The following RIF1 variants were observed in gnomAD, a reference collection of about 807,000 sequenced individuals.
RIF1 encodes the protein telomere-associated protein RIF1.
RIF1 carries 45 observed loss-of-function variants against 247.1 expected under a neutral mutation model. The ratio of observed to expected loss-of-function variants is 0.18; its 90% CI spans 0.14 to 0.23. RIF1 has a LOEUF of 0.23. Ranked by LOEUF, RIF1 falls within the 10% of genes least tolerant of loss-of-function variation. The pLI is 1.00. For missense variants in RIF1, 2,967 were observed against 2,862.5 expected (o/e 1.04, Z -0.83); for synonymous variants, 1,087 against 978.8 (o/e 1.11, Z -2.06).
chr2:151,413,902 G>A (rs554375800), intron 3 of RIF1, among the ~76,000 whole-genome samples: 2 of 152,310 alleles, frequency 1.3e-5, no homozygotes, highest in African/African-American at 4.8e-5. Flanking sequence ...TTTGGAGTAG[G>A]AAATGGTACA....
intron 34 of RIF1, among the ~76,000 whole-genome samples, chr2:151,472,679 A>G (rs1219817388): frequency 6.6e-6 from 1 of 152,152 alleles, no homozygotes; most frequent in African/African-American, 2.4e-5. Flanking sequence ...ACGTTTACTG[A>G]TTGTCATATG....
chr2:151,417,240 G>A (rs1687357939), intron 6 of RIF1, among the ~76,000 whole-genome samples: 1 of 152,148 alleles, frequency 6.6e-6, no homozygotes, highest in African/African-American at 2.4e-5. Flanking sequence ...TGTTTAGGAA[G>A]GCAGTCAGTG....
chr2:151,448,502 AT>A (rs1198553148), intron 20 of RIF1, among the ~76,000 whole-genome samples: 6 of 152,162 alleles, frequency 3.9e-5, no homozygotes, highest in Admixed American at 3.9e-4. Context: ...TATTAGCACA[AT>A]TCTAATTGTA....
In RIF1 at chr2:151,468,493, A is replaced by C. The variant is rs765551800; in HGVS notation, c.6767A>C (p.Lys2256Thr). 2 of 1,613,306 alleles carry C rather than the reference A, an allele frequency of 1.2e-6. No individual in the cohort carries two copies. The highest frequency in any genetic ancestry group is 1.7e-6 in the Non-Finnish European group (2 of 1,179,406). ...TQSKHNTTSA[K>T]GFLSPGSRSP... ...ATCTAGCATAATACCACTTCAGCCA[A>C]AGGATTTCTGTCCCCAGGATCACGT... Residue 2256 changes from lysine (K) to threonine (T), a missense_variant, in exon 32 of 36, where the codon AAA becomes ACA. Lys to Thr is a moderately conservative substitution (Grantham distance 78). Transcript: ENST00000444746.
rs1194725068 is a variant in RIF1 at position 151,500,615 on chromosome 2, A to G, written c.*709+1075A>G. On this transcript the variant is annotated intron_variant and NMD_transcript_variant, in intron 11 of 13. Coordinates refer to the RIF1 transcript ENST00000454583. ...TTCCTTTTTTTTTTTTTTTTTTTTG[A>G]AACAGGGTCTCACTCCTGTTGCCTA... is the stretch of plus-strand genomic sequence containing the variant. Among the ~76,000 whole-genome samples the G allele has an allele frequency of 7.3e-5, 5 of 68,294 alleles. No homozygotes were observed. In the East Asian group the frequency reaches 2.5e-3, roughly 34 times the overall value. 44.8% of individuals were successfully genotyped at this position (68,294 alleles called of 152,430 possible). A position where few individuals can be genotyped will look rare whatever the true frequency, so the allele number is the denominator to read the frequency against.
chr2:151,475,088 T>C lies in RIF1; in HGVS notation c.*17T>C. ...TCTATTTAGTATTTTCAGAGAAAAT[T>C]GAAGGTTTTTTTAAACATCACTGGA... On this transcript the variant is annotated 3_prime_UTR_variant, in exon 36 of 36. Transcript: ENST00000444746. The C allele has an allele frequency of 6.4e-7, 1 of 1,557,790 alleles. No individual in the cohort carries two copies. The highest frequency in any genetic ancestry group is 1.7e-5 in the Admixed American group (1 of 59,840).
intron 13 of RIF1, chr2:151,507,058 T>G: frequency 8.4e-7 from 1 of 1,189,876 alleles, no homozygotes; most frequent in Non-Finnish European, 1.2e-6. Flanking sequence ...CAACATTGCT[T>G]TGTTTTCTTT....
At chr2:151,503,608 C>T (rs1308004510) in intron 12 of RIF1, among the ~76,000 whole-genome samples, 1 of 101,050 alleles carries the variant, frequency 9.9e-6, no homozygotes, top group Non-Finnish European at 2.2e-5. Context: ...GTTGTCTTTT[C>T]CAAAATAGTA....
In RIF1 at chr2:151,457,952, T is replaced by G; in HGVS notation, c.2844T>G (p.Pro948=). The G allele has an allele frequency of 6.2e-7, 1 of 1,612,954 alleles. No individual in the cohort carries two copies. Among genetic ancestry groups the G allele is most frequent in the South Asian group, 1.1e-5 (1 of 91,038 alleles). ...TFAKVMMLVY[P]EELKPVLTQA... is the part of the protein sequence containing the mutation. ...CCAAAGTGATGATGTTGGTTTATCCTGAAGAGTTAAAGTATGCTAACAACA... is the reference window on the plus strand; with the variant it reads ...CCAAAGTGATGATGTTGGTTTATCCGGAAGAGTTAAAGTATGCTAACAACA... Residue 948 remains proline, a synonymous_variant, in exon 24 of 36, where the codon CCT becomes CCG. Transcript: ENST00000444746.
intron 21 of RIF1, among the ~76,000 whole-genome samples, chr2:151,452,384 T>G (rs942923190): frequency 1.3e-5 from 2 of 152,240 alleles, no homozygotes; most frequent in Admixed American, 6.5e-5. Context: ...AGTGATAATC[T>G]GTCATTAATG....
At chr2:151,516,325 T>G in the RIF1 span, 1 of 593,238 alleles carries the variant, frequency 1.7e-6, no homozygotes, top group Non-Finnish European at 3.0e-6. Context: ...ATGGAGAAGA[T>G]TTTAGTGATC....
At chr2:151,419,496 T>C (rs1687806624) in intron 6 of RIF1, among the ~76,000 whole-genome samples, 1 of 151,900 alleles carries the variant, frequency 6.6e-6, no homozygotes, top group African/African-American at 2.4e-5. Context: ...CAGCTAATTG[T>C]TGTATTTTTA....
intron 10 of RIF1, chr2:151,499,272 T>TAA: frequency 8.4e-7 from 1 of 1,185,328 alleles, no homozygotes. Context: ...TTTAAATAAT[T>TAA]AAAGGGATTT....
chr2:151,454,330 TCAGA>T (rs1159078106), intron 21 of RIF1, among the ~76,000 whole-genome samples: 1 of 152,152 alleles, frequency 6.6e-6, no homozygotes, highest in African/African-American at 2.4e-5. Flanking sequence ...GTACAAAAAA[TCAGA>T]CAGTACTTTT....
chr2:151,429,856 C>T (rs1283270799), intron 9 of RIF1, among the ~76,000 whole-genome samples: 1 of 152,124 alleles, frequency 6.6e-6, no homozygotes, highest in Non-Finnish European at 1.5e-5. Context: ...GAGTACTTAA[C>T]TAGGTGGTAG....
intron 9 of RIF1, among the ~76,000 whole-genome samples, chr2:151,431,967 A>T (rs542342036): frequency 6.6e-6 from 1 of 152,252 alleles, no homozygotes; most frequent in African/African-American, 2.4e-5. Flanking sequence ...ATTCCACCAA[A>T]TACATGGCCT....
chr2:151,457,819 A>T lies in RIF1; in HGVS notation c.2711A>T (p.Tyr904Phe). The T allele has an allele frequency of 6.2e-7, 1 of 1,613,906 alleles. No individual in the cohort carries two copies. The change falls in exon 24 of 36, where the codon TAT becomes TTT. Residue 904 changes from tyrosine (Y) to phenylalanine (F), a missense_variant. Transcript: ENST00000444746. ...CTGCAATTCAGCTACACCGGAACTT[A>T]TGATAGTGAACTTCTTGAACAACTC... ...ACLQFSYTGT[Y>F]DSELLEQLSP...
intron 11 of RIF1, among the ~76,000 whole-genome samples, chr2:151,500,423 T>TAG (rs58308258): frequency 0.59 from 89,162 of 151,048 alleles, 26,679 homozygotes; most frequent in Admixed American, 0.69. Context: ...TTGTATATAA[T>TAG]ACACAAATAA....
At chr2:151,528,170 T>G in the RIF1 span, among the ~76,000 whole-genome samples, 1 of 152,208 alleles carries the variant, frequency 6.6e-6, no homozygotes, top group Non-Finnish European at 1.5e-5. Context: ...GGGGCTTGCA[T>G]GCTTCCTAGA....
Sources: gnomAD v4.1 joint callset for allele counts (sites outside exome capture counted in the v4.1 genomes callset) on GRCh38, gnomAD v4.1.1 for gene constraint, MANE v1.5 for transcripts, NCBI Gene and HGNC (gene_info 2026-07-23, HGNC 2026-07-21) for gene names.